The following FANK1 variants were observed in gnomAD, a reference collection of about 807,000 sequenced individuals.
FANK1 encodes fibronectin type 3 and ankyrin repeat domains protein 1.
In FANK1, 44 loss-of-function variants were observed where a neutral mutation model predicts 45.3. That is an observed-to-expected ratio of 0.97 (90% confidence interval 0.76 to 1.25). The LOEUF is 1.25. FANK1 is among the 50% of genes most tolerant of loss of function. FANK1 has a pLI of 0.00. For synonymous variants in FANK1, 149 were observed against 152.5 expected, an observed-to-expected ratio of 0.98 and a Z score of 0.17; for missense variants, 391 against 424.4, an observed-to-expected ratio of 0.92 and a Z score of 0.69.
Position 126,002,228 on chromosome 10 carries a change from C to CTAGA in FANK1, c.540-2655_540-2652dup, listed in dbSNP as rs369742679. Among the ~76,000 whole-genome samples the CTAGA allele has an allele frequency of 3.6e-3, 542 of 152,226 alleles. 2 individuals are homozygous for CTAGA. The highest frequency in any genetic ancestry group is 5.8e-3 in the Non-Finnish European group (395 of 68,016). On this transcript the variant is annotated intron_variant, in intron 6 of 10. Transcript: ENST00000368693. ...TTGAGGGGCTGAATCAGGAGAATCA[C>CTAGA]TAGAACCCAGGAGGCGGAGGTTGCA...
chr10:125,983,659 G>A lies in FANK1; in HGVS notation c.191+3321G>A, dbSNP rs1053878051. On this transcript the variant is annotated intron_variant, in intron 2 of 10. Coordinates refer to ENST00000368693, the MANE Select transcript of FANK1 (RefSeq NM_145235.5). This position sits in a 1 kb window ranked among gnomAD's most constrained non-coding sequence, Gnocchi z 4.3. ...GGTGAGAAAGCCTGGCAGTACAAAT[G>A]TACCTGGCTGGTCCCAGGAGCATTG... is the stretch of plus-strand genomic sequence containing the variant. Among the ~76,000 whole-genome samples the A allele has an allele frequency of 2.0e-5, 3 of 152,136 alleles. No homozygotes were observed. Among genetic ancestry groups the A allele is most frequent in the African/African-American group, 7.2e-5 (3 of 41,412 alleles).
At chr10:125,996,807 C>T (rs1952366951) in intron 5 of FANK1, among the ~76,000 whole-genome samples, 183 bp downstream of exon 5, 1 of 152,090 alleles carries the variant, frequency 6.6e-6, no homozygotes, top group Non-Finnish European at 1.5e-5. Flanking sequence ...AGTTACACAA[C>T]ATGCAGGAGA....
intron 1 of FANK1, among the ~76,000 whole-genome samples, chr10:125,946,418 C>T (rs1384878996): frequency 6.6e-6 from 1 of 151,394 alleles, no homozygotes; most frequent in African/African-American, 2.4e-5. Context: ...CTTAAAGGAG[C>T]TGATGGAGCT....
chr10:125,908,429 G>A (rs1945718792), intron 1 of FANK1, among the ~76,000 whole-genome samples: 1 of 152,166 alleles, frequency 6.6e-6, no homozygotes, highest in South Asian at 2.1e-4. Flanking sequence ...GCCATAAAAA[G>A]GAACAAAATA....
intron 1 of FANK1, among the ~76,000 whole-genome samples, chr10:125,951,437 G>A (rs1207979040): frequency 6.6e-6 from 1 of 152,174 alleles, no homozygotes; most frequent in African/African-American, 2.4e-5. Flanking sequence ...CAGTGTTGCT[G>A]TGAGTTGCTC....
At chr10:125,907,258 C>G (rs1945600497) in intron 1 of FANK1, among the ~76,000 whole-genome samples, 1 of 152,156 alleles carries the variant, frequency 6.6e-6, no homozygotes, top group Non-Finnish European at 1.5e-5. Flanking sequence ...TAACTCTTCA[C>G]TCCTTATATT....
intron 7 of FANK1, 98 bp downstream of exon 7, chr10:126,005,147 T>G: frequency 7.1e-7 from 1 of 1,410,200 alleles, no homozygotes; most frequent in East Asian, 2.3e-5. Flanking sequence ...TTAGCTAACC[T>G]TAGAAATGCT....
chr10:125,946,393 C>T (rs1948803914), intron 1 of FANK1, among the ~76,000 whole-genome samples: 1 of 149,540 alleles, frequency 6.7e-6, no homozygotes, highest in South Asian at 2.1e-4. Flanking sequence ...CTAGAATAAC[C>T]AATACAGAGA....
chr10:125,932,999 C>G (rs7475995), intron 1 of FANK1, among the ~76,000 whole-genome samples: 49,679 of 152,038 alleles, frequency 0.33, 8,383 homozygotes, highest in East Asian at 0.46. Flanking sequence ...TGGTGTACCA[C>G]ATTTATTGAC....
At chr10:125,921,531 A>T (rs2366340) in intron 1 of FANK1, among the ~76,000 whole-genome samples, 1 of 151,960 alleles carries the variant, frequency 6.6e-6, no homozygotes, top group African/African-American at 2.4e-5. Flanking sequence ...TGTGCAAATG[A>T]CTAAGGGTGT....
intron 6 of FANK1, among the ~76,000 whole-genome samples, chr10:126,001,049 C>A (rs774404254): frequency 6.6e-6 from 1 of 152,176 alleles, no homozygotes; most frequent in Non-Finnish European, 1.5e-5. Flanking sequence ...GAATTGGTAT[C>A]ATCTTTCTGG....
intron 1 of FANK1, among the ~76,000 whole-genome samples, chr10:125,942,390 A>C (rs1456626713): frequency 6.6e-6 from 1 of 152,240 alleles, no homozygotes; most frequent in Non-Finnish European, 1.5e-5. Flanking sequence ...TTAAAAGAAC[A>C]ATTTATTCTT....
At chr10:125,913,287 C>T (rs1000401073) in intron 1 of FANK1, among the ~76,000 whole-genome samples, 2 of 152,060 alleles carry the variant, frequency 1.3e-5, no homozygotes, top group Admixed American at 6.6e-5. Context: ...CTGCATGACA[C>T]CCAAACTCAT....
intron 10 of FANK1, 43 bp downstream of exon 10, chr10:126,009,309 TTCTAG>T (rs1365927042): frequency 1.2e-6 from 2 of 1,614,156 alleles, no homozygotes; most frequent in African/African-American, 1.3e-5. Flanking sequence ...TTTTTAGTCC[TTCTAG>T]ACTCAGAAAA....
intron 1 of FANK1, among the ~76,000 whole-genome samples, chr10:125,924,848 T>C (rs1244681620): frequency 1.3e-5 from 2 of 152,232 alleles, no homozygotes; most frequent in African/African-American, 4.8e-5. Context: ...TTTCCCCTTA[T>C]GAATGGATTT....
intron 1 of FANK1, among the ~76,000 whole-genome samples, chr10:125,945,495 C>G (rs1948726054): frequency 6.6e-6 from 1 of 152,150 alleles, no homozygotes; most frequent in South Asian, 2.1e-4. Flanking sequence ...GTGACAGACG[C>G]ACCTGGAAAA....
chr10:126,006,834 TG>T (rs1210353653), intron 7 of FANK1, among the ~76,000 whole-genome samples: 14 of 152,248 alleles, frequency 9.2e-5, no homozygotes, highest in Non-Finnish European at 1.8e-4. Context: ...CACTCCAGCC[TG>T]GGTGACAGAG....
chr10:125,958,313 T>G (rs10901479), intron 1 of FANK1, among the ~76,000 whole-genome samples: 49,126 of 152,062 alleles, frequency 0.32, 8,224 homozygotes, highest in East Asian at 0.46. Flanking sequence ...TATGAAGAAC[T>G]GCCCGAGACT....
At chr10:125,953,025 G>A (rs563674607) in intron 1 of FANK1, among the ~76,000 whole-genome samples, 2 of 152,102 alleles carry the variant, frequency 1.3e-5, no homozygotes, top group South Asian at 2.1e-4. Flanking sequence ...CTGTTTCTTC[G>A]TAGTGGTTTT....
Sources: gnomAD v4.1 joint callset for allele counts (sites outside exome capture counted in the v4.1 genomes callset) on GRCh38, gnomAD v4.1.1 for gene constraint, Gnocchi (gnomAD v3.1) non-coding constraint, MANE v1.5 for transcripts, NCBI Gene and HGNC (gene_info 2026-07-23, HGNC 2026-07-21) for gene names.